Variants in KCNH8 observed in about 807,000 individuals in gnomAD.
KCNH8 encodes the protein voltage-gated delayed rectifier potassium channel KCNH8.
KCNH8 carries 70 observed loss-of-function variants against 103.6 expected under a neutral mutation model. The observed-to-expected ratio is 0.68, with a 90% CI of 0.56 to 0.82. KCNH8 has a LOEUF of 0.82. KCNH8 is among the 40% of genes least tolerant of loss of function. The pLI is 0.00. For missense variants in KCNH8, 1,217 were observed against 1,329.9 expected (o/e 0.92, Z 1.32); for synonymous variants, 498 against 489.4 (o/e 1.02, Z -0.23).
At chr3:19,509,243 CA>C (rs2068744598) in intron 11 of KCNH8, among the ~76,000 whole-genome samples, 1 of 152,032 alleles carries the variant, frequency 6.6e-6, no homozygotes, top group African/African-American at 2.4e-5. Context: ...ATTTGCACAG[CA>C]ATAATGATCC....
intron 3 of KCNH8, among the ~76,000 whole-genome samples, chr3:19,290,800 T>A (rs1298282742): frequency 6.6e-6 from 1 of 152,230 alleles, no homozygotes; most frequent in African/African-American, 2.4e-5. Context: ...TTCTATTGAT[T>A]GGAATAGTTT....
intron 2 of KCNH8, among the ~76,000 whole-genome samples, chr3:19,257,899 G>A (rs1312536471): frequency 2.0e-5 from 3 of 151,988 alleles, no homozygotes; most frequent in Admixed American, 6.6e-5. Flanking sequence ...AATCTCTCCC[G>A]TGCCTCTCAC....
chr3:19,514,451 A>G (rs2068838877), intron 13 of KCNH8, among the ~76,000 whole-genome samples: 1 of 151,926 alleles, frequency 6.6e-6, no homozygotes. Flanking sequence ...TGGAGCTGAG[A>G]AAGGTTTATA....
At position 19,505,084 on chromosome 3, in the gene KCNH8, TACAC is replaced by T. The variant is rs111724747; in HGVS notation, c.2041-5262_2041-5259del. Among the ~76,000 whole-genome samples the T allele has an allele frequency of 1.3e-4, 19 of 147,958 alleles. No homozygotes were observed. In the East Asian group the frequency reaches 1.6e-3, roughly 12 times the overall value. ...CAATCTCTATATATGTATATATAGA[TACAC>T]ACACACACACACACACCATGGAATA... On this transcript the variant is annotated intron_variant, in intron 11 of 15. Coordinates refer to ENST00000328405, the MANE Select transcript of KCNH8 (RefSeq NM_144633.3).
intron 3 of KCNH8, among the ~76,000 whole-genome samples, chr3:19,319,230 G>A (rs2065317762): frequency 6.6e-6 from 1 of 151,902 alleles, no homozygotes; most frequent in Non-Finnish European, 1.5e-5. Context: ...TGGTCATGAA[G>A]TCTTTGCCTA....
intron 5 of KCNH8, among the ~76,000 whole-genome samples, chr3:19,379,453 A>G (rs1466524813): frequency 6.6e-6 from 1 of 152,102 alleles, no homozygotes; most frequent in African/African-American, 2.4e-5. Flanking sequence ...CATCCTGGCC[A>G]ACATGGTGAA....
chr3:19,466,096 T>G (rs1391096775), intron 11 of KCNH8, among the ~76,000 whole-genome samples: 1 of 151,918 alleles, frequency 6.6e-6, no homozygotes, highest in Non-Finnish European at 1.5e-5. Flanking sequence ...GGCTAATTCT[T>G]TTTTATATTT....
intron 5 of KCNH8, among the ~76,000 whole-genome samples, chr3:19,364,720 T>G (rs1240663723): frequency 6.6e-6 from 1 of 152,146 alleles, no homozygotes; most frequent in Non-Finnish European, 1.5e-5. Context: ...AGTAAGGTAC[T>G]GTTTTCATCA....
intron 1 of KCNH8, among the ~76,000 whole-genome samples, chr3:19,161,146 A>G (rs1400063218): frequency 6.6e-6 from 1 of 152,196 alleles, no homozygotes; most frequent in East Asian, 1.9e-4. Context: ...GCCACAATGC[A>G]TGATAAGTGA....
Position 19,533,951 on chromosome 3 carries a change from C to G in KCNH8, c.3176C>G (p.Thr1059Ser). ...RSEEGSFSQG[T>S]VSSFSLENLP... ...GAGGAGGGCAGCTTCAGTCAGGGAA[C>G]TGTGAGTTCCTTCAGTCTGGAAAAC... Residue 1059 changes from threonine to serine, a missense_variant, in exon 16 of 16, where the codon ACT becomes AGT. By Grantham distance (58) the Thr-to-Ser change is moderately conservative. Transcript: ENST00000328405. 6.2e-7 allele frequency: 1 copy of G among 1,614,134 alleles called. No individual in the cohort carries two copies. Among genetic ancestry groups the G allele is most frequent in the Non-Finnish European group, 8.5e-7 (1 of 1,180,016 alleles).
intron 3 of KCNH8, among the ~76,000 whole-genome samples, chr3:19,303,411 C>T (rs966995044): frequency 6.6e-6 from 1 of 152,076 alleles, no homozygotes; most frequent in Non-Finnish European, 1.5e-5. Flanking sequence ...TCTGAGAAAC[C>T]TAAATCCTAA....
At chr3:19,495,116 T>C (rs1445827659) in intron 11 of KCNH8, among the ~76,000 whole-genome samples, 2 of 152,286 alleles carry the variant, frequency 1.3e-5, no homozygotes, top group East Asian at 1.9e-4. Flanking sequence ...GTTGGATGCA[T>C]AGTTTGCAAA....
intron 3 of KCNH8, among the ~76,000 whole-genome samples, chr3:19,287,953 C>A (rs2125278991): frequency 6.6e-6 from 1 of 152,064 alleles, no homozygotes; most frequent in South Asian, 2.1e-4. Context: ...GTCAAGCTGC[C>A]CTGTTCATTT....
intron 2 of KCNH8, among the ~76,000 whole-genome samples, chr3:19,279,273 T>C (rs1470026850): frequency 6.6e-6 from 1 of 152,114 alleles, no homozygotes; most frequent in African/African-American, 2.4e-5. Flanking sequence ...TGTTTGGCTA[T>C]GGGTATGGCT....
intron 1 of KCNH8, among the ~76,000 whole-genome samples, chr3:19,233,143 C>T (rs7629339): frequency 0.058 from 8,068 of 138,196 alleles, 763 homozygotes; most frequent in African/African-American, 0.2. Context: ...ATTCTTGATA[C>T]TGTTGAAAAT....
At chr3:19,342,870 G>A (rs2065680208) in intron 4 of KCNH8, among the ~76,000 whole-genome samples, 156 bp downstream of exon 4, 1 of 152,004 alleles carries the variant, frequency 6.6e-6, no homozygotes, top group Non-Finnish European at 1.5e-5. Context: ...AACTGGAAAA[G>A]GTCAGCAGTC....
chr3:19,311,114 A>G (rs752156193), intron 3 of KCNH8, among the ~76,000 whole-genome samples: 5 of 150,988 alleles, frequency 3.3e-5, no homozygotes, highest in Admixed American at 6.6e-5. Context: ...CCCTACCCAA[A>G]CTCCCTTTAT....
intron 7 of KCNH8, among the ~76,000 whole-genome samples, chr3:19,403,434 A>G (rs2066646252): frequency 6.8e-6 from 1 of 147,144 alleles, no homozygotes; most frequent in South Asian, 2.1e-4. Flanking sequence ...CTAAAGAACA[A>G]TCTTTAACTA....
intron 1 of KCNH8, among the ~76,000 whole-genome samples, chr3:19,241,264 G>T (rs1575461970): frequency 6.6e-6 from 1 of 151,902 alleles, no homozygotes. Context: ...CATAACTTCT[G>T]TATCCATAAT....
Sources: gnomAD v4.1 joint callset for allele counts (sites outside exome capture counted in the v4.1 genomes callset) on GRCh38, gnomAD v4.1.1 for gene constraint, MANE v1.5 for transcripts, NCBI Gene and HGNC (gene_info 2026-07-23, HGNC 2026-07-21) for gene names.